Variants in PIAS1 observed in about 807,000 individuals in gnomAD.
PIAS1 encodes protein inhibitor of activated STAT 1, also known as E3 SUMO-protein ligase PIAS1.
Under a neutral mutation model 71.3 loss-of-function variants are expected in PIAS1, and 6 were observed. The observed-to-expected ratio is 0.08, with a 90% CI of 0.05 to 0.17. PIAS1 has a LOEUF of 0.17. Ranked by LOEUF, PIAS1 falls within the 10% of genes least tolerant of loss-of-function variation. The pLI is 1.00. For synonymous variants in PIAS1, 303 were observed against 292.9 expected, an observed-to-expected ratio of 1.03 and a Z score of -0.35; for missense variants, 555 against 793.6, an observed-to-expected ratio of 0.70 and a Z score of 3.61.
At position 68,054,490 on chromosome 15, in the gene PIAS1, C is replaced by A; in HGVS notation, c.24+140C>A. On this transcript the variant is annotated intron_variant, in intron 1 of 13. Coordinates refer to ENST00000249636, the MANE Select transcript of PIAS1 (RefSeq NM_016166.3). This position sits in a 1 kb window ranked among gnomAD's most constrained non-coding sequence, Gnocchi z 4.6. ...TGGAGTTGTAGGGAGAGAGGCGCGCCCGGTCTCAGCAGAGGGGGCCCGCCT... is the reference window on the plus strand; with the variant it reads ...TGGAGTTGTAGGGAGAGAGGCGCGCACGGTCTCAGCAGAGGGGGCCCGCCT... The A allele has an allele frequency of 1.2e-6, 1 of 860,210 alleles. No homozygotes were observed. The highest frequency in any genetic ancestry group is 1.8e-6 in the Non-Finnish European group (1 of 568,424). The allele number at this position is 860,210 out of a possible 1,614,324, so 53.3% of individuals were successfully genotyped here.
intron 2 of PIAS1, among the ~76,000 whole-genome samples, chr15:68,122,438 C>A (rs1313063370): frequency 4.6e-5 from 7 of 151,954 alleles, no homozygotes; most frequent in African/African-American, 1.7e-4. Context: ...CAAGGGAGTC[C>A]TAGGTGGCAA....
At chr15:68,115,495 T>C (rs985814189) in intron 2 of PIAS1, among the ~76,000 whole-genome samples, 2 of 152,168 alleles carry the variant, frequency 1.3e-5, no homozygotes, top group Non-Finnish European at 1.5e-5. Flanking sequence ...ATATTTTCTA[T>C]GAATAGACAG....
At chr15:68,184,981 G>A (rs535930596) in intron 13 of PIAS1, 1 of 153,282 alleles carries the variant, frequency 6.5e-6, no homozygotes, top group Non-Finnish European at 1.5e-5. Context: ...ATGTCCTCCC[G>A]AATTGCTGTG....
chr15:68,157,399 C>T (rs2092897973), intron 7 of PIAS1, among the ~76,000 whole-genome samples: 1 of 152,112 alleles, frequency 6.6e-6, no homozygotes, highest in African/African-American at 2.4e-5. Flanking sequence ...GTGTTCCTCC[C>T]ATTGTTCTCA....
intron 2 of PIAS1, among the ~76,000 whole-genome samples, chr15:68,120,533 C>T (rs367661723): frequency 3.3e-5 from 5 of 152,174 alleles, no homozygotes; most frequent in South Asian, 2.1e-4. Flanking sequence ...TTGTAGTATA[C>T]GTCTTTAATT....
At chr15:68,088,054 A>G (rs1595713868) in intron 2 of PIAS1, among the ~76,000 whole-genome samples, 1 of 151,422 alleles carries the variant, frequency 6.6e-6, no homozygotes. Flanking sequence ...CATATATAGT[A>G]TAAGCAAATT....
intron 13 of PIAS1, among the ~76,000 whole-genome samples, 197 bp downstream of exon 13, chr15:68,183,864 G>A (rs551711759): frequency 4.6e-5 from 7 of 152,032 alleles, no homozygotes; most frequent in Non-Finnish European, 1.0e-4. Context: ...TGGTGTTGCT[G>A]GTGTGAACAA....
Position 68,192,859 on chromosome 15 carries a change from C to T in PIAS1, c.*5024C>T, listed in dbSNP as rs994859864. The T allele has an allele frequency of 6.6e-6, 1 of 152,286 alleles. No individual in the cohort carries two copies. The highest frequency in any genetic ancestry group is 1.5e-5 in the Non-Finnish European group (1 of 68,124). The allele number at this position is 152,286 out of a possible 1,614,324, so 9.4% of individuals were successfully genotyped here. A position where few individuals can be genotyped will look rare whatever the true frequency, so the allele number is the denominator to read the frequency against. On this transcript the variant is annotated 3_prime_UTR_variant, in exon 14 of 14. Coordinates refer to ENST00000249636, the MANE Select transcript of PIAS1 (RefSeq NM_016166.3). ...TCTTTGTACTTGAAGCCCTGCACCC[C>T]TACCTGTGTTGGTGTGGTACTCCAG...
At chr15:68,155,396 T>A (rs796116185) in intron 7 of PIAS1, among the ~76,000 whole-genome samples, 5 of 149,654 alleles carry the variant, frequency 3.3e-5, no homozygotes, top group African/African-American at 1.2e-4. Flanking sequence ...AGTAAGAAAT[T>A]TGTTGTAATT....
intron 2 of PIAS1, among the ~76,000 whole-genome samples, chr15:68,105,796 C>T (rs754978646): frequency 1.3e-5 from 2 of 151,994 alleles, no homozygotes; most frequent in Non-Finnish European, 2.9e-5. Context: ...CATAGCAAAA[C>T]GCCATCTCTA....
At position 68,172,296 on chromosome 15, in the gene PIAS1, C is replaced by T. The variant is rs554904962; in HGVS notation, c.1009-1436C>T. On this transcript the variant is annotated intron_variant, in intron 8 of 13. Transcript: ENST00000249636. ...CCATGGTATATATGTGCCACATTTTCTTAATTCAGTCTATCATTGATGGAC... is the reference window on the plus strand; with the variant it reads ...CCATGGTATATATGTGCCACATTTTTTTAATTCAGTCTATCATTGATGGAC... Among the ~76,000 whole-genome samples the T allele has an allele frequency of 2.5e-4, 38 of 152,318 alleles. No homozygotes were observed. The South Asian group carries it at 3.5e-3, about 14-fold the overall frequency.
chr15:68,106,351 C>CAA (rs11313083), intron 2 of PIAS1, among the ~76,000 whole-genome samples: 131 of 92,834 alleles, frequency 1.4e-3, no homozygotes, highest in African/African-American at 4.7e-3. Context: ...ATGACCTTTG[C>CAA]AAAAAAAAAA....
At chr15:68,120,829 A>G (rs1330563584) in intron 2 of PIAS1, among the ~76,000 whole-genome samples, 1 of 152,000 alleles carries the variant, frequency 6.6e-6, no homozygotes, top group African/African-American at 2.4e-5. Context: ...TAATTTTTGT[A>G]TTTTTAGTAG....
rs375843928 is a variant in PIAS1 at position 68,086,389 on chromosome 15, A to G, written c.108A>G (p.Glu36=). Residue 36 remains glutamate, a synonymous_variant, in exon 2 of 14, where the codon GAA becomes GAG. Transcript: ENST00000249636. The surrounding 1 kb of genome is among the most constrained non-coding windows in gnomAD (Gnocchi z 7.2). ...GAAACAAGCACGGACGCAAACACGAACTTCTCACAAAAGCCCTGCATTTGC... is the reference window on the plus strand; with the variant it reads ...GAAACAAGCACGGACGCAAACACGAGCTTCTCACAAAAGCCCTGCATTTGC... ...AGRNKHGRKH[E]LLTKALHLLK... is the part of the protein sequence containing the mutation. The G allele has an allele frequency of 1.5e-5, 24 of 1,613,758 alleles. No individual in the cohort carries two copies. The highest frequency in any genetic ancestry group is 1.9e-5 in the Non-Finnish European group (23 of 1,179,842).
chr15:68,176,361 T>C (rs2093020124), intron 10 of PIAS1, 113 bp from the exon 11 acceptor site: 1 of 580,812 alleles, frequency 1.7e-6, no homozygotes, highest in Non-Finnish European at 2.8e-6. Context: ...TTCTACTCTC[T>C]GGCTCCAACA....
At chr15:68,095,390 T>C (rs776039503) in intron 2 of PIAS1, among the ~76,000 whole-genome samples, 2 of 152,076 alleles carry the variant, frequency 1.3e-5, no homozygotes, top group Non-Finnish European at 2.9e-5. Flanking sequence ...TCATGGGGCA[T>C]GTGGTCATCA....
intron 6 of PIAS1, among the ~76,000 whole-genome samples, chr15:68,151,240 T>C (rs1479610501): frequency 1.3e-5 from 2 of 152,120 alleles, no homozygotes; most frequent in African/African-American, 4.8e-5. Context: ...ATATTACCAG[T>C]ACAAGTGGCA....
rs947211754 is a variant in PIAS1, at chr15:68,185,180, G to A, written c.1662+1513G>A. ...TCAAGGAGTTGTAGCAGTTTTTAAG[G>A]CCTATTAAAAGATCCTAAGGAGGAT... On this transcript the variant is annotated intron_variant, in intron 13 of 13. Coordinates refer to ENST00000249636, the MANE Select transcript of PIAS1 (RefSeq NM_016166.3). This position sits in a 1 kb window ranked among gnomAD's most constrained non-coding sequence, Gnocchi z 4.4. 2.6e-5 allele frequency among the ~76,000 whole-genome samples: 4 copies of A among 151,928 alleles called. No homozygotes were observed.
At chr15:68,076,869 A>G (rs1438447014) in intron 1 of PIAS1, among the ~76,000 whole-genome samples, 1 of 152,218 alleles carries the variant, frequency 6.6e-6, no homozygotes, top group African/African-American at 2.4e-5. Context: ...TGAAAAACTC[A>G]AAATCTATGG....
Sources: allele counts gnomAD v4.1 joint callset (sites outside exome capture counted in the v4.1 genomes callset), GRCh38; gene constraint gnomAD v4.1.1; non-coding constraint Gnocchi (gnomAD v3.1); transcripts MANE v1.5; gene names NCBI Gene and HGNC (gene_info 2026-07-23, HGNC 2026-07-21).